Variants in ITGB3BP observed in about 807,000 individuals in gnomAD.
ITGB3BP encodes integrin subunit beta 3 binding protein.
ITGB3BP carries 27 observed loss-of-function variants against 29.1 expected under a neutral mutation model. The ratio of observed to expected loss-of-function variants is 0.93; its 90% CI spans 0.68 to 1.28. ITGB3BP has a LOEUF of 1.28. ITGB3BP is among the 50% of genes most tolerant of loss of function. The probability of loss-of-function intolerance (pLI) is 0.00; values close to 1 mark genes in which losing one functional copy is unlikely to be tolerated. For missense variants in ITGB3BP, 192 were observed against 200.2 expected (o/e 0.96, Z 0.25); for synonymous variants, 61 against 61.4 (o/e 0.99, Z 0.03).
At chr1:63,475,129 C>T (rs1240858671) in intron 4 of ITGB3BP, among the ~76,000 whole-genome samples, 2 of 152,034 alleles carry the variant, frequency 1.3e-5, no homozygotes, top group East Asian at 3.9e-4. Context: ...TGTGCACAAC[C>T]ACACCCACCT....
At chr1:63,509,174 C>A (rs976279911) in intron 1 of ITGB3BP, among the ~76,000 whole-genome samples, 16 of 152,144 alleles carry the variant, frequency 1.1e-4, no homozygotes, top group African/African-American at 3.9e-4. Context: ...CAGGAATATG[C>A]CAGGCTCTCT....
intron 1 of ITGB3BP, among the ~76,000 whole-genome samples, chr1:63,516,840 A>G (rs1557658452): frequency 6.6e-6 from 1 of 152,156 alleles, no homozygotes; most frequent in African/African-American, 2.4e-5. Flanking sequence ...TGAGACTTCA[A>G]AAGGAGGAAG....
chr1:63,448,261 A>G (rs939246922), intron 7 of ITGB3BP, among the ~76,000 whole-genome samples: 3 of 149,710 alleles, frequency 2.0e-5, no homozygotes, highest in Non-Finnish European at 4.5e-5. Context: ...GCACACCAGC[A>G]TGGCACATGT....
At chr1:63,486,907 C>T (rs1022142252) in intron 3 of ITGB3BP, among the ~76,000 whole-genome samples, 2 of 152,000 alleles carry the variant, frequency 1.3e-5, no homozygotes, top group African/African-American at 4.8e-5. Flanking sequence ...AACACTTGAG[C>T]TCACTACAAT....
At chr1:63,463,362 T>C (rs963370273) in intron 4 of ITGB3BP, among the ~76,000 whole-genome samples, 3 of 150,208 alleles carry the variant, frequency 2.0e-5, no homozygotes, top group Non-Finnish European at 3.0e-5. Flanking sequence ...CGTGATAAAA[T>C]TGCACAGAAC....
intron 4 of ITGB3BP, chr1:63,457,155 A>C (rs532486857): frequency 6.6e-5 from 10 of 152,254 alleles, no homozygotes; most frequent in African/African-American, 2.2e-4. Flanking sequence ...CTTGAAGGCA[A>C]CCAAATTCCC....
intron 4 of ITGB3BP, among the ~76,000 whole-genome samples, chr1:63,471,108 T>G (rs1383222747): frequency 1.3e-5 from 2 of 152,224 alleles, no homozygotes; most frequent in African/African-American, 4.8e-5. Context: ...ATTTTTCTAT[T>G]GGATTGTCTT....
intron 2 of ITGB3BP, among the ~76,000 whole-genome samples, chr1:63,490,690 A>C (rs1471753959): frequency 6.6e-6 from 1 of 152,156 alleles, no homozygotes; most frequent in Non-Finnish European, 1.5e-5. Context: ...ATAATCACCA[A>C]AATAATGTCC....
chr1:63,504,582 C>T (rs1322589529), intron 2 of ITGB3BP, among the ~76,000 whole-genome samples: 2 of 152,148 alleles, frequency 1.3e-5, no homozygotes, highest in African/African-American at 4.8e-5. Context: ...GCATCCTTGC[C>T]TTGTGCCAGT....
chr1:63,477,955 C>A (rs1394613524), intron 4 of ITGB3BP, among the ~76,000 whole-genome samples: 1 of 152,122 alleles, frequency 6.6e-6, no homozygotes. Context: ...AGGACTCCTG[C>A]AGATACCAAA....
At chr1:63,464,304 C>A (rs1645066431) in intron 4 of ITGB3BP, among the ~76,000 whole-genome samples, 1 of 152,094 alleles carries the variant, frequency 6.6e-6, no homozygotes, top group African/African-American at 2.4e-5. Context: ...GCAAACAAAT[C>A]TTGAATGCTT....
chr1:63,460,994 C>T (rs1190087066), intron 4 of ITGB3BP, among the ~76,000 whole-genome samples: 4 of 150,358 alleles, frequency 2.7e-5, no homozygotes, highest in Admixed American at 6.7e-5. Context: ...AATCCCAGCA[C>T]TTTGGGAGGC....
At chr1:63,470,750 A>G (rs921958812) in intron 4 of ITGB3BP, among the ~76,000 whole-genome samples, 1 of 152,092 alleles carries the variant, frequency 6.6e-6, no homozygotes, top group Non-Finnish European at 1.5e-5. Context: ...ATATATGTAT[A>G]CACTTCTGTT....
At chr1:63,519,790 C>T (rs1055682277) in intron 1 of ITGB3BP, among the ~76,000 whole-genome samples, 5 of 152,000 alleles carry the variant, frequency 3.3e-5, no homozygotes, top group Admixed American at 6.6e-5. Context: ...CATATAGGCA[C>T]AATAAAGATC....
chr1:63,502,334 G>C (rs1182154789), intron 2 of ITGB3BP, among the ~76,000 whole-genome samples: 1 of 152,028 alleles, frequency 6.6e-6, no homozygotes, highest in Non-Finnish European at 1.5e-5. Flanking sequence ...TATATTATAG[G>C]AAGAACACAG....
In ITGB3BP at chr1:63,466,570, A is replaced by G. The variant is rs149471115; in HGVS notation, c.255-11602T>C. On this transcript the variant is annotated intron_variant, in intron 4 of 8. Transcript: ENST00000271002. The stretch of plus-strand genomic sequence containing the variant: ...TAGTTTCAGTATTCTTCTTTTAAAG[A>G]ATTTATTTTAAACCTATTATACCAC... 2.8e-3 allele frequency among the ~76,000 whole-genome samples: 423 copies of G among 152,332 alleles called. 4 individuals are homozygous for G. The highest frequency in any genetic ancestry group is 0.024 in the East Asian group (123 of 5,192).
At chr1:63,470,832 A>G (rs1478892768) in intron 4 of ITGB3BP, among the ~76,000 whole-genome samples, 3 of 152,220 alleles carry the variant, frequency 2.0e-5, no homozygotes. Context: ...GTTGCCAAAC[A>G]GTTTCCCAAA....
chr1:63,454,609 G>A lies in ITGB3BP; in HGVS notation c.334-136C>T. The A allele has an allele frequency of 2.1e-6, 1 of 476,370 alleles. No homozygotes were observed. The highest frequency in any genetic ancestry group is 3.9e-5 in the Admixed American group (1 of 25,688). The allele number at this position is 476,370 out of a possible 1,614,324, so 29.5% of individuals were successfully genotyped here. On this transcript the variant is annotated intron_variant, in intron 5 of 8. Coordinates refer to ENST00000271002, the MANE Select transcript of ITGB3BP (RefSeq NM_014288.5). The surrounding 1 kb of genome is among the most constrained non-coding windows in gnomAD (Gnocchi z 4.1). ...ATGTTAGGATATTTAACTGTTTCTGGCAGGCCAACTATTTCAAGCCCAAAA... is the reference window on the plus strand; with the variant it reads ...ATGTTAGGATATTTAACTGTTTCTGACAGGCCAACTATTTCAAGCCCAAAA...
At chr1:63,461,171 G>A (rs188848948) in intron 4 of ITGB3BP, among the ~76,000 whole-genome samples, 10 of 148,618 alleles carry the variant, frequency 6.7e-5, no homozygotes, top group Non-Finnish European at 1.2e-4. Context: ...GGAGAATGGC[G>A]TGAACCCGGG....
Sources: allele counts gnomAD v4.1 joint callset (sites outside exome capture counted in the v4.1 genomes callset), GRCh38; gene constraint gnomAD v4.1.1; non-coding constraint Gnocchi (gnomAD v3.1); transcripts MANE v1.5; gene names NCBI Gene and HGNC (gene_info 2026-07-23, HGNC 2026-07-21).